AGR3: variants seen among roughly 807,000 people sequenced by gnomAD.
AGR3 encodes the protein anterior gradient 3, protein disulphide isomerase family member.
In AGR3, 37 loss-of-function variants were observed where a neutral mutation model predicts 24.5. That is an observed-to-expected ratio of 1.51 (90% CI 1.16 to 1.99). The LOEUF (loss-of-function observed/expected upper bound fraction) is 1.99, where lower values mean the gene tolerates loss of function less well. AGR3 is among the 30% of genes most tolerant of loss of function. The pLI is 0.00. For synonymous variants in AGR3, 75 were observed against 61.6 expected (o/e 1.22, Z -1.02); for missense variants, 228 against 191.1 (o/e 1.19, Z -1.14).
intron 3 of AGR3, among the ~76,000 whole-genome samples, chr7:16,869,152 C>A (rs1781817031): frequency 6.6e-6 from 1 of 152,112 alleles, no homozygotes; most frequent in African/African-American, 2.4e-5. Context: ...AAGTCCCTTA[C>A]TATTATTGTG....
In AGR3 at chr7:16,859,472, A is replaced by G; in HGVS notation, c.*110T>C. 1 of 701,066 alleles carries G rather than the reference A, an allele frequency of 1.4e-6. No homozygotes were observed. Among genetic ancestry groups the G allele is most frequent in the South Asian group, 1.8e-5 (1 of 57,042 alleles). The allele number at this position is 701,066 out of a possible 1,614,324, so 43.4% of individuals were successfully genotyped here. ...TGCAAACACATTAAAAAAACTAAAT[A>G]GTAATATTACAAAATCTATATACTT... On this transcript the variant is annotated 3_prime_UTR_variant, in exon 8 of 8. Transcript: ENST00000310398.
chr7:16,879,384 G>C (rs567408850), intron 1 of AGR3, among the ~76,000 whole-genome samples: 2 of 152,146 alleles, frequency 1.3e-5, no homozygotes, highest in East Asian at 3.8e-4. Flanking sequence ...TTTATACTTT[G>C]CACGTTAAGA....
chr7:16,857,704 G>A (rs143375747), downstream of AGR3, among the ~76,000 whole-genome samples: 6 of 152,058 alleles, frequency 3.9e-5, no homozygotes, highest in Admixed American at 3.9e-4. Context: ...TAAATAAATA[G>A]GATACATGGG....
At chr7:16,873,433 AG>A (rs971129029) in intron 3 of AGR3, 19 of 179,030 alleles carry the variant, frequency 1.1e-4, no homozygotes, top group Admixed American at 8.4e-4. Context: ...GGTTATTAGA[AG>A]CTGGGGAGGG....
At chr7:16,865,307 T>A (rs1266124759) in intron 3 of AGR3, 1 of 1,120,906 alleles carries the variant, frequency 8.9e-7, no homozygotes, top group East Asian at 2.4e-5. Context: ...TTATTGCACT[T>A]CTCATATCAC....
intron 3 of AGR3, chr7:16,865,862 GT>G (rs1439759234): frequency 1.4e-5 from 10 of 732,822 alleles, no homozygotes; most frequent in Non-Finnish European, 2.0e-5. Context: ...CTTTGATAGC[GT>G]TTTTTTGGTC....
chr7:16,864,724 C>T, intron 3 of AGR3: 3 of 1,490,504 alleles, frequency 2.0e-6, no homozygotes, highest in Non-Finnish European at 1.9e-6. Flanking sequence ...TATTAGAAAC[C>T]ACTGCGGTGT....
intron 3 of AGR3, among the ~76,000 whole-genome samples, chr7:16,872,078 T>C (rs548145913): frequency 1.2e-4 from 13 of 107,684 alleles, no homozygotes; most frequent in African/African-American, 4.1e-4. Flanking sequence ...ACCAATGATA[T>C]TTTTCACAGA....
At chr7:16,860,701 G>T in intron 6 of AGR3, 118 bp from the exon 7 acceptor site, 1 of 674,568 alleles carries the variant, frequency 1.5e-6, no homozygotes, top group East Asian at 2.8e-5. Flanking sequence ...TTGTTACACA[G>T]ATATATTGTG....
chr7:16,858,352 G>C (rs1340542215), downstream of AGR3, among the ~76,000 whole-genome samples: 1 of 151,992 alleles, frequency 6.6e-6, no homozygotes, highest in Non-Finnish European at 1.5e-5. Flanking sequence ...ATTTCTATTA[G>C]CAGGATTTTT....
rs756080986 is a variant in AGR3, at chr7:16,861,372, T to A, written c.367+12A>T. The A allele has an allele frequency of 1.3e-6, 2 of 1,579,464 alleles. No homozygotes were observed. The highest frequency in any genetic ancestry group is 1.2e-5 in the South Asian group (1 of 85,278). The stretch of plus-strand genomic sequence containing the variant: ...ATTTTGTAGATCTGATGAAATGAGA[T>A]CACATACATACCTACAAACATGATT... On this transcript the variant is annotated intron_variant, in intron 6 of 7. Transcript: ENST00000310398.
downstream of AGR3, chr7:16,859,351 A>G (rs996920411): frequency 6.9e-6 from 3 of 437,274 alleles, no homozygotes; most frequent in African/African-American, 4.0e-5. Flanking sequence ...TGTCTCCACT[A>G]TAACTCTTGG....
chr7:16,862,671 A>AG lies in AGR3; in HGVS notation c.174-10dup. The stretch of plus-strand genomic sequence containing the variant: ...CCATTAATGGCTTCTTACTAAACAA[A>AG]GAAAGTATGGAATTAAGTCAAATGA... On this transcript the variant is annotated splice_polypyrimidine_tract_variant and intron_variant, in intron 3 of 7. Transcript: ENST00000310398. 2.6e-6 allele frequency: 4 copies of AG among 1,540,498 alleles called. No individual in the cohort carries two copies. The highest frequency in any genetic ancestry group is 3.5e-6 in the Non-Finnish European group (4 of 1,148,160).
intron 6 of AGR3, 100 bp from the exon 7 acceptor site, chr7:16,860,683 G>A: frequency 3.8e-6 from 3 of 788,048 alleles, no homozygotes; most frequent in Non-Finnish European, 6.2e-6. Context: ...GGGGTTATGT[G>A]TACAAGTTTG....
chr7:16,867,204 T>G (rs923208068), intron 3 of AGR3, among the ~76,000 whole-genome samples: 4 of 152,140 alleles, frequency 2.6e-5, no homozygotes, highest in Non-Finnish European at 5.9e-5. Context: ...TTTGCATAAA[T>G]GTGAGATATG....
At chr7:16,866,254 T>C (rs1331950138) in intron 3 of AGR3, 2 of 529,390 alleles carry the variant, frequency 3.8e-6, no homozygotes, top group Non-Finnish European at 7.6e-6. Flanking sequence ...GATGGGTCAA[T>C]CCAGTCTGTT....
At chr7:16,877,876 A>G (rs148741187) in intron 2 of AGR3, among the ~76,000 whole-genome samples, 35 of 146,924 alleles carry the variant, frequency 2.4e-4, no homozygotes, top group Non-Finnish European at 3.1e-4. Context: ...AAAAAAAAAA[A>G]AGAGAGAATT....
intron 2 of AGR3, among the ~76,000 whole-genome samples, chr7:16,874,525 A>G (rs1026722665): frequency 8.5e-5 from 13 of 152,130 alleles, no homozygotes; most frequent in Non-Finnish European, 1.5e-5. Context: ...ATCAAGTAGA[A>G]GAATGTGCAG....
intron 3 of AGR3, among the ~76,000 whole-genome samples, chr7:16,868,576 CAT>C (rs1323711782): frequency 1.3e-5 from 2 of 152,080 alleles, no homozygotes; most frequent in Non-Finnish European, 2.9e-5. Flanking sequence ...GTATGGCTTT[CAT>C]ATATTGTCTT....
Sources: allele counts gnomAD v4.1 joint callset (sites outside exome capture counted in the v4.1 genomes callset), GRCh38; gene constraint gnomAD v4.1.1; transcripts MANE v1.5; gene names NCBI Gene and HGNC (gene_info 2026-07-23, HGNC 2026-07-21).